ACP6: variants seen among roughly 807,000 people sequenced by gnomAD.
The protein encoded by ACP6 is lysophosphatidic acid phosphatase type 6.
Under a neutral mutation model 48.1 loss-of-function variants are expected in ACP6, and 48 were observed. That is an observed-to-expected ratio of 1.00 (90% CI 0.79 to 1.27). The LOEUF (loss-of-function observed/expected upper bound fraction) is 1.27. Ranked by LOEUF, ACP6 falls within the 50% of genes most tolerant of loss-of-function variation. The pLI is 0.00. For synonymous variants in ACP6, 172 were observed against 204.2 expected (o/e 0.84, Z 1.34); for missense variants, 485 against 529.1 (o/e 0.92, Z 0.82).
At chr1:147,652,626 AC>A in intron 6 of ACP6, 77 bp from the exon 7 acceptor site, 2 of 1,609,368 alleles carry the variant, frequency 1.2e-6, no homozygotes. Context: ...CTTCCATGGA[AC>A]CTGCAGGAGC....
chr1:147,652,468 T>G lies in ACP6; in HGVS notation c.862A>C (p.Ile288Leu), dbSNP rs1369698911. 5 of 1,613,614 alleles carry G rather than the reference T, an allele frequency of 3.1e-6. No individual in the cohort carries two copies. Among genetic ancestry groups the G allele is most frequent in the African/African-American group, 1.3e-5 (1 of 75,032 alleles). Residue 288 changes from isoleucine to leucine, a missense_variant, in exon 7 of 10, where the codon ATA (isoleucine) becomes CTA (leucine). Physicochemically the swap from Ile to Leu is conservative, Grantham distance 5 (BLOSUM62 2). Transcript: ENST00000583509. ...EQRAVDTSLY[I>L]LPKEDRESLQ... ...CCTCACCTGTCTTCCTTGGGCAGTA[T>G]GTACAAGGATGTGTCCACAGCTCTC...
chr1:147,652,616 C>A (rs587686112), intron 6 of ACP6, 67 bp from the exon 7 acceptor site: 49 of 1,610,998 alleles, frequency 3.0e-5, no homozygotes, highest in Admixed American at 1.3e-4. Flanking sequence ...AGCTGATCAG[C>A]TTCCATGGAA....
intron 1 of ACP6, among the ~76,000 whole-genome samples, chr1:147,666,729 G>A (rs1331438306): frequency 3.3e-5 from 5 of 152,162 alleles, no homozygotes; most frequent in Admixed American, 3.3e-4. Context: ...GGGAGACCCT[G>A]GCATGTGTAT....
chr1:147,666,287 A>G (rs1553213631), intron 1 of ACP6, among the ~76,000 whole-genome samples: 2 of 152,218 alleles, frequency 1.3e-5, no homozygotes, highest in Non-Finnish European at 2.9e-5. Context: ...GGATAGAGTA[A>G]TATAATGAAC....
chr1:147,669,923 C>T lies in ACP6; in HGVS notation c.126G>A (p.Pro42=). The T allele has an allele frequency of 6.3e-7, 1 of 1,574,874 alleles. No homozygotes were observed. Among genetic ancestry groups the T allele is most frequent in the Non-Finnish European group, 8.6e-7 (1 of 1,159,516 alleles). Residue 42 remains proline, a synonymous_variant, in exon 1 of 10, where the codon CCG becomes CCA. Coordinates refer to ENST00000583509, the MANE Select transcript of ACP6 (RefSeq NM_016361.5). ...TCAACTTCAGCAGGCTGCGGTCGAC[C>T]GGACACTGGCCATCGGCCTCCTGCA... is the stretch of plus-strand genomic sequence containing the variant. ...AELQEADGQC[P]VDRSLLKLKM...
At chr1:147,658,674 TG>T (rs1417711081) in intron 4 of ACP6, among the ~76,000 whole-genome samples, 1 of 152,078 alleles carries the variant, frequency 6.6e-6, no homozygotes, top group Non-Finnish European at 1.5e-5. Flanking sequence ...TCACAAAACA[TG>T]GTTAGGACTG....
intron 8 of ACP6, 67 bp downstream of exon 8, chr1:147,650,076 T>G: frequency 7.1e-7 from 1 of 1,417,454 alleles, no homozygotes; most frequent in Non-Finnish European, 9.8e-7. Context: ...AGATTTGGGT[T>G]CCCTCCCTAC....
Position 147,643,143 on chromosome 1 carries a change from T to A in ACP6, c.*4280A>T, listed in dbSNP as rs1429215676. 1 of 152,170 alleles carries A rather than the reference T, an allele frequency of 6.6e-6. No homozygotes were observed. The highest frequency in any genetic ancestry group is 1.5e-5 in the Non-Finnish European group (1 of 68,024). 9.4% of individuals were successfully genotyped at this position (152,170 alleles called of 1,614,324 possible). On this transcript the variant is annotated 3_prime_UTR_variant, in exon 10 of 10. Coordinates refer to ENST00000583509, the MANE Select transcript of ACP6 (RefSeq NM_016361.5). ...TAAAAGGCCCTATCTCCAAATACATTACACCTGAGGTACATTCAGTCCTCA... is the reference window on the plus strand; with the variant it reads ...TAAAAGGCCCTATCTCCAAATACATAACACCTGAGGTACATTCAGTCCTCA...
At chr1:147,651,119 G>A (rs1260590044) in intron 7 of ACP6, 1 of 152,202 alleles carries the variant, frequency 6.6e-6, no homozygotes, top group Non-Finnish European at 1.5e-5. Flanking sequence ...ATAAGTCAAG[G>A]AATGTTGCAG....
At chr1:147,666,420 T>C (rs933920530) in intron 1 of ACP6, among the ~76,000 whole-genome samples, 2 of 152,230 alleles carry the variant, frequency 1.3e-5, no homozygotes, top group Non-Finnish European at 2.9e-5. Context: ...GGGATTGATA[T>C]ACTACATTCC....
intron 4 of ACP6, 109 bp from the exon 5 acceptor site, chr1:147,655,357 G>C (rs1050054383): frequency 3.7e-6 from 3 of 821,300 alleles, no homozygotes; most frequent in Non-Finnish European, 5.9e-6. Context: ...TCTGCTCTGA[G>C]AGGCAGATCA....
chr1:147,658,430 ATAAT>A (rs1246629599), intron 4 of ACP6, among the ~76,000 whole-genome samples: 1 of 152,184 alleles, frequency 6.6e-6, no homozygotes, highest in African/African-American at 2.4e-5. Flanking sequence ...ATGAGGGAAA[ATAAT>A]TAATGCAGTC....
rs782167863 is a variant in ACP6, at chr1:147,647,316, A to G, written c.*107T>C. 2.0e-5 allele frequency: 25 copies of G among 1,281,678 alleles called. No homozygotes were observed. The highest frequency in any genetic ancestry group is 2.5e-5 in the Non-Finnish European group (23 of 924,290). The allele number at this position is 1,281,678 out of a possible 1,614,324, so 79.4% of individuals were successfully genotyped here. A position where few individuals can be genotyped will look rare whatever the true frequency, so the allele number is the denominator to read the frequency against. On this transcript the variant is annotated 3_prime_UTR_variant, in exon 10 of 10. Coordinates refer to ENST00000583509, the MANE Select transcript of ACP6 (RefSeq NM_016361.5). Reference sequence around the variant, plus strand: ...AAAGGAAATATCCTTACATTATATTAAAGTACATTACCCCTTGCTCTCTCC... The same window carrying G: ...AAAGGAAATATCCTTACATTATATTGAAGTACATTACCCCTTGCTCTCTCC...
chr1:147,663,832 T>C (rs1389952013), intron 1 of ACP6, among the ~76,000 whole-genome samples: 1 of 152,194 alleles, frequency 6.6e-6, no homozygotes, highest in African/African-American at 2.4e-5. Flanking sequence ...TGTTCAAGGA[T>C]AGCTCAAGTC....
At chr1:147,669,111 G>T (rs935041960) in intron 1 of ACP6, among the ~76,000 whole-genome samples, 4 of 151,760 alleles carry the variant, frequency 2.6e-5, no homozygotes, top group Non-Finnish European at 5.9e-5. Flanking sequence ...TAAACTATTT[G>T]TGCTTTAGTC....
rs1165227293 is a variant in ACP6, at chr1:147,647,750, G to A, written c.1144-184C>T. The A allele has an allele frequency of 2.0e-5, 16 of 788,914 alleles. No homozygotes were observed. The Admixed American group carries it at 5.1e-4, about 25-fold the overall frequency. 48.9% of individuals were successfully genotyped at this position (788,914 alleles called of 1,614,324 possible). A position where few individuals can be genotyped will look rare whatever the true frequency, so the allele number is the denominator to read the frequency against. On this transcript the variant is annotated intron_variant, in intron 9 of 9. Coordinates refer to ENST00000583509, the MANE Select transcript of ACP6 (RefSeq NM_016361.5). ...AAAGCACTATGCTCTGCTTGTAAAA[G>A]TCACTCAAAAAGTGTTGAATTGACT... is the stretch of plus-strand genomic sequence containing the variant.
chr1:147,633,548 T>C (rs1459955049), intron 5 of ACP6, among the ~76,000 whole-genome samples: 2 of 152,040 alleles, frequency 1.3e-5, no homozygotes, highest in African/African-American at 2.4e-5. Context: ...ATTGGAATTT[T>C]AGGAAATGAA....
At chr1:147,648,999 T>C (rs1424025802) in intron 8 of ACP6, among the ~76,000 whole-genome samples, 1 of 152,156 alleles carries the variant, frequency 6.6e-6, no homozygotes, top group Non-Finnish European at 1.5e-5. Context: ...AGACTAGCAT[T>C]GGATCCTGTG....
At chr1:147,636,075 C>T (rs1659290926) in intron 5 of ACP6, among the ~76,000 whole-genome samples, 3 of 152,074 alleles carry the variant, frequency 2.0e-5, no homozygotes, top group African/African-American at 7.3e-5. Context: ...AACGATGGTA[C>T]TTGAAATTGA....
Sources: gnomAD v4.1 joint callset for allele counts (sites outside exome capture counted in the v4.1 genomes callset) on GRCh38, gnomAD v4.1.1 for gene constraint, MANE v1.5 for transcripts, NCBI Gene and HGNC (gene_info 2026-07-23, HGNC 2026-07-21) for gene names.